LIPM: variants seen among roughly 807,000 people sequenced by gnomAD.
The protein encoded by LIPM is lipase family member M.
In LIPM, 42 loss-of-function variants were observed where a neutral mutation model predicts 42.4. That is an observed-to-expected ratio of 0.99 (90% CI 0.77 to 1.28). LIPM has a LOEUF of 1.28. Ranked by LOEUF, LIPM falls within the 50% of genes most tolerant of loss-of-function variation. LIPM has a pLI of 0.00. For synonymous variants in LIPM, 177 were observed against 173.3 expected (o/e 1.02, Z -0.17); for missense variants, 524 against 520.1 (o/e 1.01, Z -0.07).
In LIPM at chr10:88,803,625, T is replaced by TG. The variant is rs1197526499; in HGVS notation, c.147+582_147+583insG. ...TCTTTAGTTTTCCCAGGAGGTTTTT[T>TG]TTTTTTTTTTTTTTGGTAGCTTTTC... On this transcript the variant is annotated intron_variant, in intron 1 of 8. Coordinates refer to ENST00000404743, the MANE Select transcript of LIPM (RefSeq NM_001128215.1). 1.2e-3 allele frequency among the ~76,000 whole-genome samples: 175 copies of TG among 150,848 alleles called. 1 individual carries two copies. Among genetic ancestry groups the TG allele is most frequent in the African/African-American group, 3.7e-3 (153 of 40,994 alleles).
intron 8 of LIPM, among the ~76,000 whole-genome samples, chr10:88,819,375 CA>C (rs1419978773): frequency 1.3e-5 from 2 of 151,832 alleles, no homozygotes; most frequent in Admixed American, 6.6e-5. Context: ...TGTAAGATGA[CA>C]AAAAAAATTA....
chr10:88,810,214 G>T (rs758092008), intron 2 of LIPM, among the ~76,000 whole-genome samples: 1 of 152,284 alleles, frequency 6.6e-6, no homozygotes, highest in South Asian at 2.1e-4. Context: ...TATAGATTTT[G>T]TATAAATAAA....
chr10:88,820,288 AG>A lies in LIPM; in HGVS notation c.1061del (p.Gly354GlufsTer12), dbSNP rs1843772341. Reference sequence around the variant, plus strand: ...TGACGGTCCCTACAGCAATGTGGACAGGAGGTCAGGACTGGCTTTCAAATCC... The same window carrying A: ...TGACGGTCCCTACAGCAATGTGGACAGAGGTCAGGACTGGCTTTCAAATCC... ...DMTVPTAMWT[G>X]GQDWLSNPED... is the part of the protein sequence containing the mutation. On this transcript the variant is annotated frameshift_variant, in exon 9 of 9. Transcript: ENST00000404743. LOFTEE classifies it low-confidence loss of function (END_TRUNC). The A allele has an allele frequency of 6.4e-6, 10 of 1,552,094 alleles. No homozygotes were observed. The highest frequency in any genetic ancestry group is 8.7e-6 in the Non-Finnish European group (10 of 1,147,078).
chr10:88,819,580 T>C (rs1843762342), intron 8 of LIPM, among the ~76,000 whole-genome samples: 1 of 152,230 alleles, frequency 6.6e-6, no homozygotes, highest in African/African-American at 2.4e-5. Flanking sequence ...AGGCTAATTC[T>C]ACTAACACTG....
At chr10:88,807,913 A>G (rs941247241) in intron 1 of LIPM, among the ~76,000 whole-genome samples, 2 of 152,188 alleles carry the variant, frequency 1.3e-5, no homozygotes, top group Admixed American at 6.5e-5. Flanking sequence ...CAATGTTCTG[A>G]TCCAGTGGTT....
In LIPM at chr10:88,820,412, G is replaced by T. The variant is rs1276926130; in HGVS notation, c.1183G>T (p.Ala395Ser). 6.4e-7 allele frequency: 1 copy of T among 1,552,140 alleles called. No individual in the cohort carries two copies. The highest frequency in any genetic ancestry group is 1.2e-5 in the South Asian group (1 of 84,048). Residue 395 changes from alanine to serine, a missense_variant, in exon 9 of 9, where the codon GCT becomes TCT. Coordinates refer to ENST00000404743, the MANE Select transcript of LIPM (RefSeq NM_001128215.1). ...CGTGGATTTCATCTGGGGTTTGGATGCTCCTCACCGTATGTACAATGAAAT... is the reference window on the plus strand; with the variant it reads ...CGTGGATTTCATCTGGGGTTTGGATTCTCCTCACCGTATGTACAATGAAAT... ...AHVDFIWGLD[A>S]PHRMYNEIIH... is the part of the protein sequence containing the mutation.
Position 88,820,517 on chromosome 10 carries a change from CGAT to C in LIPM, c.*17_*19del, listed in dbSNP as rs1564600497. 2.6e-6 allele frequency: 4 copies of C among 1,544,680 alleles called. No homozygotes were observed. The highest frequency in any genetic ancestry group is 3.5e-6 in the Non-Finnish European group (4 of 1,144,734). On this transcript the variant is annotated 3_prime_UTR_variant, in exon 9 of 9. Transcript: ENST00000404743. ...CGTATTGTGAAGCATCTGACACTGACGATCTTAGGACAACCTCCTGAGGGATGG... is the reference window on the plus strand; with the variant it reads ...CGTATTGTGAAGCATCTGACACTGACCTTAGGACAACCTCCTGAGGGATGG...
rs1031253984 is a variant in LIPM, at chr10:88,814,550, T to G, written c.485T>G (p.Phe162Cys). ...TGTAGTTATGATGAGATGGCTAGGT[T>G]TGACCTTCCTGCAGTGATAAACTTT... ...WAFSYDEMARFDLPAVINFIL... is the reference protein window; with the variant it reads ...WAFSYDEMARCDLPAVINFIL... The change falls in exon 4 of 9, where the codon TTT becomes TGT. Residue 162 changes from phenylalanine (F) to cysteine (C), a missense_variant. Transcript: ENST00000404743. 11 of 1,551,330 alleles carry G rather than the reference T, an allele frequency of 7.1e-6. No homozygotes were observed. Among genetic ancestry groups the G allele is most frequent in the Middle Eastern group, 1.7e-4 (1 of 6,014 alleles).
In LIPM at chr10:88,817,870, AC is replaced by A; in HGVS notation, c.978del (p.Asn328IlefsTer11). The A allele has an allele frequency of 1.3e-6, 2 of 1,551,526 alleles. No homozygotes were observed. The highest frequency in any genetic ancestry group is 1.7e-6 in the Non-Finnish European group (2 of 1,146,850). On this transcript the variant is annotated frameshift_variant, in exon 8 of 9. Coordinates refer to ENST00000404743, the MANE Select transcript of LIPM (RefSeq NM_001128215.1). LOFTEE classifies it high-confidence loss of function. ...ELRAFDWGSE[T>X]KNLEKCNQPT... ...CCGGGCATTTGACTGGGGGAGTGAG[AC>A]CAAAAATCTGGAAAAATGCAATCAG...
chr10:88,814,430 T>A, intron 3 of LIPM, 100 bp from the exon 4 acceptor site: 1 of 733,158 alleles, frequency 1.4e-6, no homozygotes, highest in Non-Finnish European at 2.3e-6. Context: ...GCTGTCAGAG[T>A]TGACAACTCA....
chr10:88,817,812 T>C lies in LIPM; in HGVS notation c.931-13T>C. ...GACGTTGGAATTCCTTGTAAATTTT[T>C]GTCTCCTTTTAGGCAGTGAATTCTG... On this transcript the variant is annotated splice_polypyrimidine_tract_variant and intron_variant, in intron 7 of 8. Transcript: ENST00000404743. 1 of 1,547,194 alleles carries C rather than the reference T, an allele frequency of 6.5e-7. No homozygotes were observed. The highest frequency in any genetic ancestry group is 8.7e-7 in the Non-Finnish European group (1 of 1,142,964).
chr10:88,805,966 A>G (rs925895900), intron 1 of LIPM: 5 of 456,542 alleles, frequency 1.1e-5, no homozygotes, highest in African/African-American at 1.0e-4. Flanking sequence ...GAGATGTCCT[A>G]CGTTGGGCTG....
At chr10:88,810,082 C>T (rs868349522) in intron 2 of LIPM, among the ~76,000 whole-genome samples, 4 of 152,134 alleles carry the variant, frequency 2.6e-5, no homozygotes, top group Non-Finnish European at 5.9e-5. Flanking sequence ...TGTCTGTCTC[C>T]CCCCAGTCAG....
At chr10:88,818,730 C>T (rs1460857020) in intron 8 of LIPM, among the ~76,000 whole-genome samples, 1 of 152,174 alleles carries the variant, frequency 6.6e-6, no homozygotes, top group African/African-American at 2.4e-5. Flanking sequence ...ATATGTCTAT[C>T]TAGATGTAAA....
At chr10:88,816,937 T>C in intron 7 of LIPM, 50 bp downstream of exon 7, 1 of 1,348,256 alleles carries the variant, frequency 7.4e-7, no homozygotes, top group Non-Finnish European at 1.0e-6. Context: ...TTATATTTTG[T>C]GTAGAATAGT....
chr10:88,815,545 G>T, intron 6 of LIPM, 42 bp downstream of exon 6: 1 of 1,540,460 alleles, frequency 6.5e-7, no homozygotes, highest in Non-Finnish European at 8.8e-7. Context: ...CCAGCATAAA[G>T]CTGGGAGTCA....
At chr10:88,818,692 C>T (rs977748159) in intron 8 of LIPM, among the ~76,000 whole-genome samples, 4 of 152,064 alleles carry the variant, frequency 2.6e-5, no homozygotes, top group African/African-American at 9.7e-5. Flanking sequence ...CTTTGAGACC[C>T]TCACATCATA....
chr10:88,820,336 C>T lies in LIPM; in HGVS notation c.1107C>T (p.Leu369=), dbSNP rs1407057563. 3 of 1,552,178 alleles carry T rather than the reference C, an allele frequency of 1.9e-6. No individual in the cohort carries two copies. The highest frequency in any genetic ancestry group is 2.6e-6 in the Non-Finnish European group (3 of 1,147,126). ...LSNPEDVKML[L]SEVTNLIYHK... ...ATCCAGAAGACGTGAAAATGCTGCT[C>T]TCTGAGGTGACCAACCTCATCTACC... The change falls in exon 9 of 9, where the codon CTC becomes CTT. Residue 369 remains leucine, a synonymous_variant. Coordinates refer to ENST00000404743, the MANE Select transcript of LIPM (RefSeq NM_001128215.1).
intron 4 of LIPM, 104 bp from the exon 5 acceptor site, chr10:88,814,984 A>C: frequency 9.8e-7 from 1 of 1,021,292 alleles, no homozygotes; most frequent in Non-Finnish European, 1.4e-6. Context: ...GGTAAGATGC[A>C]GTCACATATA....
Sources: allele counts gnomAD v4.1 joint callset (sites outside exome capture counted in the v4.1 genomes callset), GRCh38; gene constraint gnomAD v4.1.1; transcripts MANE v1.5; gene names NCBI Gene and HGNC (gene_info 2026-07-23, HGNC 2026-07-21).